Variants in RALYL observed in about 807,000 individuals in gnomAD.
The protein encoded by RALYL is RNA-binding Raly-like protein.
RALYL carries 29 observed loss-of-function variants against 35.1 expected under a neutral mutation model. The ratio of observed to expected loss-of-function variants is 0.83; its 90% CI spans 0.61 to 1.13. The LOEUF is 1.13. Ranked by LOEUF, RALYL falls within the 50% of genes most tolerant of loss-of-function variation. RALYL has a pLI of 0.00. For missense variants in RALYL, 359 were observed against 360.4 expected, an observed-to-expected ratio of 1.00 and a Z score of 0.03; for synonymous variants, 120 against 127.6, an observed-to-expected ratio of 0.94 and a Z score of 0.40.
intron 8 of RALYL, among the ~76,000 whole-genome samples, chr8:84,913,595 G>A (rs1052785028): frequency 2.6e-5 from 4 of 151,890 alleles, no homozygotes; most frequent in Admixed American, 2.6e-4. Flanking sequence ...AGAGGATATG[G>A]CATGATCATT....
intron 2 of RALYL, among the ~76,000 whole-genome samples, chr8:84,718,731 CT>C (rs1032342237): frequency 5.3e-5 from 8 of 151,684 alleles, no homozygotes; most frequent in African/African-American, 1.9e-4. Flanking sequence ...CACCACTGCA[CT>C]CTAGCCTGGG....
At chr8:84,284,342 CTGTTTT>C (rs1837200696) in intron 1 of RALYL, among the ~76,000 whole-genome samples, 2 of 152,198 alleles carry the variant, frequency 1.3e-5, no homozygotes, top group South Asian at 4.1e-4. Flanking sequence ...GTTTGAAAGA[CTGTTTT>C]TTAGCTTCAA....
At chr8:84,225,930 G>A (rs1485077492) in intron 1 of RALYL, among the ~76,000 whole-genome samples, 1 of 152,178 alleles carries the variant, frequency 6.6e-6, no homozygotes, top group Non-Finnish European at 1.5e-5. Flanking sequence ...GAATGACTGA[G>A]AAGAAATGAG....
In RALYL at chr8:84,921,294, A is replaced by G. The variant is rs1229259781; in HGVS notation, c.*383A>G. ...ATATATAAAGTCAGGTGATATTGCA[A>G]TTCTGTATTTAAAGCTTATTTCCAA... On this transcript the variant is annotated 3_prime_UTR_variant, in exon 9 of 9. Transcript: ENST00000521268. The G allele has an allele frequency of 6.3e-6, 1 of 158,580 alleles. No homozygotes were observed. Among genetic ancestry groups the G allele is most frequent in the South Asian group, 2.0e-4 (1 of 4,884 alleles). 9.8% of individuals were successfully genotyped at this position (158,580 alleles called of 1,614,324 possible).
chr8:84,284,340 GA>G (rs1837199362), intron 1 of RALYL, among the ~76,000 whole-genome samples: 2 of 152,230 alleles, frequency 1.3e-5, no homozygotes, highest in South Asian at 4.1e-4. Context: ...CGGTTTGAAA[GA>G]CTGTTTTTTA....
intron 2 of RALYL, among the ~76,000 whole-genome samples, chr8:84,562,665 T>C (rs968543278): frequency 7.8e-6 from 1 of 127,784 alleles, no homozygotes; most frequent in Non-Finnish European, 1.6e-5. Flanking sequence ...AAATCACTAC[T>C]AACTAACAAC....
At chr8:84,730,117 T>A (rs1845853464) in intron 2 of RALYL, among the ~76,000 whole-genome samples, 1 of 152,100 alleles carries the variant, frequency 6.6e-6, no homozygotes, top group Non-Finnish European at 1.5e-5. Flanking sequence ...TTGATGAACA[T>A]TGATGCAAAA....
chr8:84,544,229 T>C (rs942587459), intron 2 of RALYL, among the ~76,000 whole-genome samples: 25 of 152,032 alleles, frequency 1.6e-4, no homozygotes, highest in African/African-American at 6.0e-4. Context: ...TACAACCATA[T>C]ATGATACTTA....
chr8:84,581,730 T>C (rs549166300), intron 2 of RALYL, among the ~76,000 whole-genome samples: 42 of 151,584 alleles, frequency 2.8e-4, no homozygotes, highest in African/African-American at 9.7e-4. Context: ...ATATTAATAG[T>C]ATATCCTATA....
intron 1 of RALYL, among the ~76,000 whole-genome samples, chr8:84,377,620 A>C (rs1586712649): frequency 6.6e-6 from 1 of 151,764 alleles, no homozygotes; most frequent in East Asian, 2.0e-4. Flanking sequence ...GTTCTTGAAC[A>C]TGTGAGAGTG....
intron 1 of RALYL, among the ~76,000 whole-genome samples, chr8:84,355,071 T>C (rs571838010): frequency 6.6e-6 from 1 of 150,510 alleles, no homozygotes; most frequent in Admixed American, 6.6e-5. Flanking sequence ...GACTCTGTGT[T>C]TGATATGTCT....
rs1587656659 is a variant in RALYL, at chr8:84,478,922, T to TAAAAAAAAAA, written c.-23-50372_-23-50371insAAAAAAAAAA. ...TAACACCGTGAAACCCCGTCTCTACTAAAAATACAAAACATTAGCCGGGCA... is the reference window on the plus strand; with the variant it reads ...TAACACCGTGAAACCCCGTCTCTACTAAAAAAAAAAAAAAATACAAAACATTAGCCGGGCA... On this transcript the variant is annotated intron_variant, in intron 1 of 8. Transcript: ENST00000521268. Among the ~76,000 whole-genome samples the TAAAAAAAAAA allele has an allele frequency of 1.7e-3, 146 of 85,106 alleles. 5 individuals are homozygous for TAAAAAAAAAA. The highest frequency in any genetic ancestry group is 3.0e-3 in the East Asian group (7 of 2,346). The allele number at this position is 85,106 out of a possible 152,430, so 55.8% of individuals were successfully genotyped here. A position where few individuals can be genotyped will look rare whatever the true frequency, so the allele number is the denominator to read the frequency against.
chr8:84,896,221 A>G (rs1844724161), intron 8 of RALYL, among the ~76,000 whole-genome samples: 1 of 152,194 alleles, frequency 6.6e-6, no homozygotes, highest in Non-Finnish European at 1.5e-5. Context: ...ATTGTGCCAG[A>G]GAAGCCACAT....
At chr8:84,309,148 CTT>C (rs896272294) in intron 1 of RALYL, among the ~76,000 whole-genome samples, 1 of 151,258 alleles carries the variant, frequency 6.6e-6, no homozygotes, top group Non-Finnish European at 1.5e-5. Context: ...AAGTAAAAAA[CTT>C]TAATTTGCCT....
intron 8 of RALYL, among the ~76,000 whole-genome samples, chr8:84,915,212 C>A (rs1563861101): frequency 2.0e-5 from 3 of 152,038 alleles, no homozygotes; most frequent in Non-Finnish European, 4.4e-5. Context: ...CCTAAACACC[C>A]ATTTCCATAC....
chr8:84,502,860 C>G (rs1483139057), intron 1 of RALYL, among the ~76,000 whole-genome samples: 1 of 150,446 alleles, frequency 6.6e-6, no homozygotes, highest in African/African-American at 2.4e-5. Flanking sequence ...ATTGAAATGC[C>G]CTTTTACTTT....
intron 1 of RALYL, among the ~76,000 whole-genome samples, chr8:84,213,255 G>T (rs554101332): frequency 4.4e-4 from 67 of 152,168 alleles, no homozygotes; most frequent in African/African-American, 1.6e-3. Flanking sequence ...GCTAGGCATG[G>T]TGGCAACTGC....
At chr8:84,468,155 T>C (rs1397296352) in intron 1 of RALYL, among the ~76,000 whole-genome samples, 2 of 152,078 alleles carry the variant, frequency 1.3e-5, no homozygotes, top group African/African-American at 4.8e-5. Flanking sequence ...TTAAAGTTAA[T>C]ATTGTTATGT....
At chr8:84,481,225 T>G (rs1301944272) in intron 1 of RALYL, among the ~76,000 whole-genome samples, 1 of 152,180 alleles carries the variant, frequency 6.6e-6, no homozygotes, top group East Asian at 1.9e-4. Context: ...TTCACTAGAT[T>G]ACATAGAAAT....
Sources: gnomAD v4.1 joint callset for allele counts (sites outside exome capture counted in the v4.1 genomes callset) on GRCh38, gnomAD v4.1.1 for gene constraint, MANE v1.5 for transcripts, NCBI Gene and HGNC (gene_info 2026-07-23, HGNC 2026-07-21) for gene names.